Variants in POU2F2 observed in about 807,000 individuals in gnomAD.
POU2F2 encodes the protein POU class 2 homeobox 2, also known as POU domain, class 2, transcription factor 2.
Under a neutral mutation model 63.5 loss-of-function variants are expected in POU2F2, and 14 were observed. The ratio of observed to expected loss-of-function variants is 0.22; its 90% CI spans 0.15 to 0.34. The LOEUF (loss-of-function observed/expected upper bound fraction) is 0.34, where lower values mean the gene tolerates loss of function less well. POU2F2 is among the 10% of genes least tolerant of loss of function. POU2F2 has a pLI of 1.00. For missense variants in POU2F2, 607 were observed against 815.2 expected, an observed-to-expected ratio of 0.74 and a Z score of 3.11; for synonymous variants, 306 against 348.6, an observed-to-expected ratio of 0.88 and a Z score of 1.36.
Position 42,145,670 on chromosome 19 carries a change from C to A in POU2F2, c.-9+14662G>T, listed in dbSNP as rs1024294489. ...CTGCTTTAGGCTGGGTGCAGTGGCT[C>A]ATGCCTGTAATCCCAGCACTCTGGG... On this transcript the variant is annotated intron_variant, in intron 2 of 6. Coordinates refer to the POU2F2 transcript ENST00000524801. 2.0e-5 allele frequency among the ~76,000 whole-genome samples: 3 copies of A among 152,350 alleles called. No homozygotes were observed. The East Asian group carries it at 5.8e-4, about 29-fold the overall frequency.
intron 2 of POU2F2, among the ~76,000 whole-genome samples, chr19:42,140,236 T>C (rs1038990475): frequency 6.6e-6 from 1 of 151,960 alleles, no homozygotes; most frequent in African/African-American, 2.4e-5. Context: ...CCCCAGGCTT[T>C]CCACAGCCCA....
chr19:42,117,371 G>A lies in POU2F2; in HGVS notation c.248C>T (p.Pro83Leu), dbSNP rs375033912. ...FWGPGPCLSP[P>L]QIKAEDPSGD... ...ACTGGGGTCTTCAGCCTTGATCTGGGGGGGAGAGAGGCAGGGTCCGGGACC... is the reference window on the plus strand; with the variant it reads ...ACTGGGGTCTTCAGCCTTGATCTGGAGGGGAGAGAGGCAGGGTCCGGGACC... Residue 83 changes from proline (P) to leucine (L), a missense_variant, in exon 5 of 15, where the codon CCC becomes CTC. This residue lies in a region of POU2F2 where 224 missense variants were observed against 264.3 expected (regional missense o/e 0.85). Coordinates refer to ENST00000692977, the MANE Select transcript of POU2F2 (RefSeq NM_001394376.1). This position sits in a 1 kb window ranked among gnomAD's most constrained non-coding sequence, Gnocchi z 4.4. The A allele has an allele frequency of 1.4e-5, 21 of 1,525,022 alleles. No individual in the cohort carries two copies. The highest frequency in any genetic ancestry group is 2.4e-5 in the Admixed American group (1 of 41,806). The allele number at this position is 1,525,022 out of a possible 1,614,324, so 94.5% of individuals were successfully genotyped here.
At chr19:42,126,730 G>A (rs1378555058) in intron 1 of POU2F2, among the ~76,000 whole-genome samples, 4 of 152,152 alleles carry the variant, frequency 2.6e-5, no homozygotes, top group Admixed American at 2.6e-4. Context: ...TGAGCCCCCA[G>A]TTGTGGCTGT....
At chr19:42,165,047 A>G (rs2034624342) in intron 1 of POU2F2, among the ~76,000 whole-genome samples, 1 of 151,810 alleles carries the variant, frequency 6.6e-6, no homozygotes, top group Non-Finnish European at 1.5e-5. Context: ...CATCTCATTG[A>G]ATTTCTGTTT....
upstream of POU2F2, among the ~76,000 whole-genome samples, chr19:42,196,812 A>G (rs948172282): frequency 4.6e-5 from 7 of 152,258 alleles, no homozygotes; most frequent in Admixed American, 3.9e-4. Flanking sequence ...CGCCAAGTGC[A>G]CTGCGCCAGC....
Position 42,095,528 on chromosome 19 carries a change from G to A in POU2F2, c.1020+17C>T. The A allele has an allele frequency of 1.2e-6, 2 of 1,601,394 alleles. No individual in the cohort carries two copies. ...CCACCCCTCAGGTGAGGGCCACCCAGGAGAGGGGGGCCTCACCGCTAGAAA... is the reference window on the plus strand; with the variant it reads ...CCACCCCTCAGGTGAGGGCCACCCAAGAGAGGGGGGCCTCACCGCTAGAAA... On this transcript the variant is annotated intron_variant, in intron 10 of 14. Coordinates refer to ENST00000692977, the MANE Select transcript of POU2F2 (RefSeq NM_001394376.1). This position sits in a 1 kb window ranked among gnomAD's most constrained non-coding sequence, Gnocchi z 7.1.
chr19:42,129,124 C>G (rs777295619), intron 1 of POU2F2, among the ~76,000 whole-genome samples: 5 of 152,114 alleles, frequency 3.3e-5, no homozygotes, highest in Non-Finnish European at 7.4e-5. Context: ...TGAGCCACCG[C>G]ACCCAGCCCC....
At position 42,153,173 on chromosome 19, in the gene POU2F2, C is replaced by T. The variant is rs1006450581; in HGVS notation, c.-9+7159G>A. Among the ~76,000 whole-genome samples the T allele has an allele frequency of 6.6e-6, 1 of 152,144 alleles. No homozygotes were observed. Among genetic ancestry groups the T allele is most frequent in the South Asian group, 2.1e-4 (1 of 4,830 alleles). On this transcript the variant is annotated intron_variant, in intron 2 of 6. Transcript: ENST00000524801. The surrounding 1 kb of genome is among the most constrained non-coding windows in gnomAD (Gnocchi z 5.6). Reference sequence around the variant, plus strand: ...GTTCCAGCGAGAGGTCTGTGGTGTGCGAGCTGCCATGGACGCAGGGTGTGC... The same window carrying T: ...GTTCCAGCGAGAGGTCTGTGGTGTGTGAGCTGCCATGGACGCAGGGTGTGC...
intron 5 of POU2F2, among the ~76,000 whole-genome samples, chr19:42,114,894 C>A (rs1202729419): frequency 6.6e-6 from 1 of 152,172 alleles, no homozygotes; most frequent in Non-Finnish European, 1.5e-5. Context: ...TAATCCCGCA[C>A]TTTGAGAAGC....
intron 5 of POU2F2, among the ~76,000 whole-genome samples, chr19:42,106,065 T>C (rs952490523): frequency 4.6e-5 from 6 of 129,500 alleles, no homozygotes; most frequent in Admixed American, 7.7e-5. Flanking sequence ...TTTCTTTCTT[T>C]TTCTTTCTTT....
chr19:42,132,156 A>T (rs922135769), intron 1 of POU2F2, among the ~76,000 whole-genome samples: 1 of 151,928 alleles, frequency 6.6e-6, no homozygotes, highest in African/African-American at 2.4e-5. Context: ...GGAACAGGGC[A>T]ACAGAGAAGA....
intron 5 of POU2F2, among the ~76,000 whole-genome samples, chr19:42,107,590 A>C (rs1197754078): frequency 6.6e-6 from 1 of 152,218 alleles, no homozygotes; most frequent in East Asian, 1.9e-4. Context: ...ACAAAGTCTC[A>C]GTACCGCTAA....
Position 42,099,631 on chromosome 19 carries a change from G to A in POU2F2, c.476-13C>T, listed in dbSNP as rs766609721. 4.3e-6 allele frequency: 7 copies of A among 1,610,852 alleles called. No individual in the cohort carries two copies. Among genetic ancestry groups the A allele is most frequent in the Non-Finnish European group, 5.9e-6 (7 of 1,177,136 alleles). On this transcript the variant is annotated splice_polypyrimidine_tract_variant and intron_variant, in intron 6 of 14. Coordinates refer to ENST00000692977, the MANE Select transcript of POU2F2 (RefSeq NM_001394376.1). ...GTCGGTAGCAGGCCTGGAAAGACAA[G>A]GGGAAATACACAGGGTGAGGGGGAG...
intron 2 of POU2F2, among the ~76,000 whole-genome samples, chr19:42,146,145 A>G (rs2034229928): frequency 6.6e-6 from 1 of 152,114 alleles, no homozygotes; most frequent in Non-Finnish European, 1.5e-5. Context: ...TCTTCTCAAT[A>G]CTCTACAAAA....
chr19:42,115,879 A>C (rs1472241954), intron 5 of POU2F2, among the ~76,000 whole-genome samples: 1 of 152,254 alleles, frequency 6.6e-6, no homozygotes, highest in African/African-American at 2.4e-5. Flanking sequence ...TAGTGTCCCT[A>C]CAAGAAAGAA....
intron 1 of POU2F2, among the ~76,000 whole-genome samples, chr19:42,191,105 G>A (rs1792980379): frequency 6.6e-6 from 1 of 151,372 alleles, no homozygotes; most frequent in Non-Finnish European, 1.5e-5. Context: ...TAGGGTTGTA[G>A]GATTGTAAGG....
rs992030442 is a variant in POU2F2, at chr19:42,089,038, A to C, written c.*2219T>G. 2.6e-5 allele frequency: 4 copies of C among 152,632 alleles called. No individual in the cohort carries two copies. Among genetic ancestry groups the C allele is most frequent in the Non-Finnish European group, 4.4e-5 (3 of 68,076 alleles). 9.5% of individuals were successfully genotyped at this position (152,632 alleles called of 1,614,324 possible). ...GTCCGGCAGAAAGTGGAAGCTGCCC[A>C]GGCCAAAGCCCTGCGGTCTCAGGGC... is the stretch of plus-strand genomic sequence containing the variant. On this transcript the variant is annotated 3_prime_UTR_variant, in exon 15 of 15. Coordinates refer to ENST00000692977, the MANE Select transcript of POU2F2 (RefSeq NM_001394376.1).
chr19:42,109,994 C>T (rs1000339515), intron 5 of POU2F2, among the ~76,000 whole-genome samples: 6 of 152,060 alleles, frequency 3.9e-5, no homozygotes, highest in Admixed American at 6.6e-5. Flanking sequence ...CAGTGACTCA[C>T]GCTTATAATC....
In POU2F2 at chr19:42,174,492, G is replaced by C. The variant is rs561322850; in HGVS notation, c.-70+1471C>G. On this transcript the variant is annotated intron_variant, in intron 1 of 6. Transcript: ENST00000524801. ...GCGAGTGATACATAAACATCAGGAC[G>C]AGGGAGAGATCAGTACAAATATGCA... Among the ~76,000 whole-genome samples the C allele has an allele frequency of 2.2e-4, 33 of 152,302 alleles. No homozygotes were observed. The South Asian group carries it at 6.6e-3, about 31-fold the overall frequency.
Sources: gnomAD v4.1 joint callset for allele counts (sites outside exome capture counted in the v4.1 genomes callset) on GRCh38, gnomAD v4.1.1 for gene constraint, gnomAD v4.1.1 regional missense constraint, Gnocchi (gnomAD v3.1) non-coding constraint, MANE v1.5 for transcripts, NCBI Gene and HGNC (gene_info 2026-07-23, HGNC 2026-07-21) for gene names.